The following PTPRD variants were observed in gnomAD, a reference collection of about 807,000 sequenced individuals.
PTPRD encodes receptor-type tyrosine-protein phosphatase delta.
A neutral mutation model predicts 214.5 loss-of-function variants in PTPRD; 34 were observed. That is an observed-to-expected ratio of 0.16 (90% CI 0.12 to 0.21). PTPRD has a LOEUF of 0.21. Ranked by LOEUF, PTPRD falls within the 10% of genes least tolerant of loss-of-function variation. The probability of loss-of-function intolerance (pLI) is 1.00; values close to 1 mark genes in which losing one functional copy is unlikely to be tolerated. For synonymous variants in PTPRD, 1,128 were observed against 845.7 expected, an observed-to-expected ratio of 1.33 and a Z score of -5.79; for missense variants, 2,545 against 2,398.7, an observed-to-expected ratio of 1.06 and a Z score of -1.27.
chr9:8,749,276 G>C (rs2093267736), intron 11 of PTPRD, among the ~76,000 whole-genome samples: 1 of 152,108 alleles, frequency 6.6e-6, no homozygotes, highest in South Asian at 2.1e-4. Context: ...CCGCCTCCGG[G>C]TTCAAGCAAT....
At chr9:10,154,551 G>T (rs183934841) in intron 3 of PTPRD, among the ~76,000 whole-genome samples, 3 of 152,178 alleles carry the variant, frequency 2.0e-5, no homozygotes, top group African/African-American at 4.8e-5. Context: ...CCTAAACCCA[G>T]AATGTTATTG....
intron 5 of PTPRD, among the ~76,000 whole-genome samples, chr9:9,818,015 G>C (rs1346922687): frequency 6.6e-6 from 1 of 152,092 alleles, no homozygotes; most frequent in Non-Finnish European, 1.5e-5. Flanking sequence ...CTGATCTTGG[G>C]GAAAGAAGTT....
chr9:8,801,447 T>C (rs2096568464), intron 11 of PTPRD, among the ~76,000 whole-genome samples: 1 of 152,222 alleles, frequency 6.6e-6, no homozygotes, highest in African/African-American at 2.4e-5. Context: ...CCAAGCACAG[T>C]GGCTCACGCC....
intron 11 of PTPRD, among the ~76,000 whole-genome samples, chr9:8,952,571 C>T (rs76516523): frequency 0.037 from 5,656 of 151,770 alleles, 149 homozygotes; most frequent in Non-Finnish European, 0.054. Context: ...CAGTGGCTTC[C>T]GAATAACTTT....
chr9:9,936,402 A>C (rs573592411), intron 5 of PTPRD, among the ~76,000 whole-genome samples: 1 of 152,148 alleles, frequency 6.6e-6, no homozygotes, highest in Non-Finnish European at 1.5e-5. Context: ...ACCCAATTAA[A>C]AAGTGGGCGA....
chr9:8,550,476 C>G (rs1458325988), intron 14 of PTPRD, among the ~76,000 whole-genome samples: 1 of 152,010 alleles, frequency 6.6e-6, no homozygotes, highest in African/African-American at 2.4e-5. Flanking sequence ...ATTAGTTGCC[C>G]TGAAATATTT....
intron 8 of PTPRD, among the ~76,000 whole-genome samples, chr9:9,567,973 G>T (rs996980114): frequency 6.6e-6 from 1 of 151,446 alleles, no homozygotes; most frequent in Non-Finnish European, 1.5e-5. Flanking sequence ...TGGGTATCTC[G>T]TGCCTAGATA....
intron 11 of PTPRD, among the ~76,000 whole-genome samples, chr9:8,910,163 C>T (rs947865744): frequency 3.3e-5 from 5 of 152,108 alleles, no homozygotes; most frequent in South Asian, 2.1e-4. Context: ...CCCAGCCTCC[C>T]GAGTAGCTGG....
At chr9:10,400,690 A>G (rs996702057) in intron 2 of PTPRD, among the ~76,000 whole-genome samples, 15 of 151,646 alleles carry the variant, frequency 9.9e-5, no homozygotes, top group Non-Finnish European at 7.4e-5. Context: ...AAAAAATAAT[A>G]ATAATCAGAG....
At chr9:10,583,093 G>C (rs1238363576) in intron 2 of PTPRD, among the ~76,000 whole-genome samples, 1 of 152,328 alleles carries the variant, frequency 6.6e-6, no homozygotes, top group East Asian at 1.9e-4. Context: ...AACACACACA[G>C]AGGTGAAGAG....
intron 7 of PTPRD, among the ~76,000 whole-genome samples, chr9:9,581,120 A>G (rs2090637603): frequency 6.6e-6 from 1 of 152,166 alleles, no homozygotes; most frequent in African/African-American, 2.4e-5. Flanking sequence ...AGTTTTTTAT[A>G]GATCTGTAAG....
intron 9 of PTPRD, among the ~76,000 whole-genome samples, chr9:9,292,091 C>T (rs1951344429): frequency 6.6e-6 from 1 of 151,246 alleles, no homozygotes; most frequent in Non-Finnish European, 1.5e-5. Flanking sequence ...TTTGTATTAT[C>T]TATGAGACGA....
At chr9:10,161,019 A>G (rs2099124354) in intron 3 of PTPRD, among the ~76,000 whole-genome samples, 1 of 151,938 alleles carries the variant, frequency 6.6e-6, no homozygotes, top group African/African-American at 2.4e-5. Context: ...CCAAAGATAT[A>G]AAAATCCTGT....
chr9:10,165,257 A>G (rs1050375650), intron 3 of PTPRD, among the ~76,000 whole-genome samples: 1 of 151,692 alleles, frequency 6.6e-6, no homozygotes, highest in African/African-American at 2.4e-5. Flanking sequence ...TTTACATCTA[A>G]CATTTGATTT....
chr9:8,713,241 C>G (rs1372994201), intron 12 of PTPRD: 3 of 624,832 alleles, frequency 4.8e-6, no homozygotes, highest in African/African-American at 3.7e-5. Flanking sequence ...TAAACTGAGT[C>G]TCCAATTGTC....
intron 5 of PTPRD, among the ~76,000 whole-genome samples, chr9:9,911,260 C>T (rs1219470850): frequency 7.2e-5 from 11 of 152,038 alleles, no homozygotes; most frequent in Non-Finnish European, 1.5e-4. Context: ...ATATTGCTCT[C>T]GTCCCATACT....
intron 10 of PTPRD, among the ~76,000 whole-genome samples, chr9:9,101,794 A>G (rs1410209585): frequency 6.6e-6 from 1 of 152,184 alleles, no homozygotes; most frequent in Non-Finnish European, 1.5e-5. Flanking sequence ...ACTTTAAGAA[A>G]AGATGTGGGA....
In PTPRD at chr9:8,315,891, T is replaced by A. The variant is rs1821416779; in HGVS notation, c.*1983A>T. 8.9e-6 allele frequency: 2 copies of A among 225,696 alleles called. No homozygotes were observed. The highest frequency in any genetic ancestry group is 1.3e-3 in the Middle Eastern group (1 of 752). The allele number at this position is 225,696 out of a possible 1,614,324, so 14.0% of individuals were successfully genotyped here. On this transcript the variant is annotated 3_prime_UTR_variant, in exon 46 of 46. Coordinates refer to ENST00000381196, the MANE Select transcript of PTPRD (RefSeq NM_002839.4). The stretch of plus-strand genomic sequence containing the variant: ...AATATGTGGCAAACTTATGCCATCA[T>A]CCATGGCTTCCTATAGAAATTCTGT...
At chr9:9,954,183 C>G (rs2093692282) in intron 4 of PTPRD, among the ~76,000 whole-genome samples, 2 of 150,282 alleles carry the variant, frequency 1.3e-5, no homozygotes, top group South Asian at 4.2e-4. Context: ...GTAATCCCAG[C>G]TACTTGGGAG....
Sources: allele counts gnomAD v4.1 joint callset (sites outside exome capture counted in the v4.1 genomes callset), GRCh38; gene constraint gnomAD v4.1.1; transcripts MANE v1.5; gene names NCBI Gene and HGNC (gene_info 2026-07-23, HGNC 2026-07-21).